The following FAT1 variants were observed in gnomAD, a reference collection of about 807,000 sequenced individuals.
FAT1 encodes protocadherin Fat 1.
FAT1 carries 171 observed loss-of-function variants against 329.8 expected under a neutral mutation model. That is an observed-to-expected ratio of 0.52 (90% CI 0.46 to 0.59). FAT1 has a LOEUF of 0.59. FAT1 is among the 20% of genes least tolerant of loss of function. The pLI is 0.00. For missense variants in FAT1, 5,672 were observed against 5,774.4 expected (o/e 0.98, Z 0.57); for synonymous variants, 2,233 against 2,228.6 (o/e 1.00, Z -0.06).
chr4:186,699,707 A>G (rs1744209213), intron 2 of FAT1, among the ~76,000 whole-genome samples: 1 of 152,326 alleles, frequency 6.6e-6, no homozygotes, highest in East Asian at 1.9e-4. Flanking sequence ...AAAAAAAAAA[A>G]AATGCCAGAA....
rs1440239062 is a variant in FAT1, at chr4:186,600,340, C to A, written c.11661G>T (p.Gln3887His). ...SILEIHHGRL[Q>H]YKFDCGSGPG... is the part of the protein sequence containing the mutation. ...GGCCACTTCCACAGTCAAACTTGTACTGCAGCCTTCCATGATGAATCTAGG... is the reference window on the plus strand; with the variant it reads ...GGCCACTTCCACAGTCAAACTTGTAATGCAGCCTTCCATGATGAATCTAGG... Residue 3887 changes from glutamine (Q) to histidine (H), a missense_variant, in exon 22 of 27, where the codon CAG becomes CAT. Physicochemically the swap from Gln to His is conservative, Grantham distance 24 (BLOSUM62 0). Around this residue, in one of 2 missense-constraint regions of FAT1, gnomAD observed 1,706 missense variants for 1,859.1 expected, o/e 0.92. Transcript: ENST00000441802. 1 of 1,612,324 alleles carries A rather than the reference C, an allele frequency of 6.2e-7. No homozygotes were observed.
chr4:186,590,647 C>A (rs754417757), intron 26 of FAT1: 13 of 456,216 alleles, frequency 2.8e-5, no homozygotes, highest in South Asian at 2.0e-4. Context: ...GAAATTTGGC[C>A]AGAAAACTCA....
At chr4:186,649,890 T>C (rs1196220092) in intron 3 of FAT1, among the ~76,000 whole-genome samples, 1 of 152,242 alleles carries the variant, frequency 6.6e-6, no homozygotes, top group African/African-American at 2.4e-5. Flanking sequence ...TACATACTAA[T>C]ACACCTTTTT....
At position 186,636,799 on chromosome 4, in the gene FAT1, C is replaced by T. The variant is rs753017252; in HGVS notation, c.3758G>A (p.Arg1253Lys). 6.2e-7 allele frequency: 1 copy of T among 1,613,916 alleles called. No homozygotes were observed. The highest frequency in any genetic ancestry group is 1.1e-5 in the South Asian group (1 of 91,060). Residue 1253 changes from arginine to lysine, a missense_variant, in exon 5 of 27, where the codon AGA becomes AAA. Arg to Lys is a conservative substitution (Grantham distance 26, BLOSUM62 2). Coordinates refer to ENST00000441802, the MANE Select transcript of FAT1 (RefSeq NM_005245.4). The part of the protein sequence containing the change: ...PQFLQKFYKI[R>K]LPEREKPDRE... ...GTCTGGCTTTTCCCGCTCAGGGAGT[C>T]TGATTTTGTAGAACTTTTGCAGAAA...
chr4:186,671,242 CTT>C (rs1438655331), intron 2 of FAT1, among the ~76,000 whole-genome samples: 1 of 151,850 alleles, frequency 6.6e-6, no homozygotes, highest in African/African-American at 2.4e-5. Flanking sequence ...GTATAAGAAA[CTT>C]TACATGTTAA....
At chr4:186,594,461 C>G (rs570066744) in intron 26 of FAT1, among the ~76,000 whole-genome samples, 1 of 151,272 alleles carries the variant, frequency 6.6e-6, no homozygotes, top group South Asian at 2.1e-4. Context: ...CATTTAGGGG[C>G]CAAGATATAA....
intron 2 of FAT1, among the ~76,000 whole-genome samples, chr4:186,686,973 T>C (rs539874538): frequency 1.3e-5 from 2 of 152,350 alleles, no homozygotes; most frequent in East Asian, 3.9e-4. Context: ...TTTTACGAAG[T>C]AGCATCTGGC....
At chr4:186,647,087 T>C (rs1322842272) in intron 3 of FAT1, among the ~76,000 whole-genome samples, 1 of 152,260 alleles carries the variant, frequency 6.6e-6, no homozygotes, top group Admixed American at 6.5e-5. Flanking sequence ...CTCAGAATGC[T>C]GTTCCCAAAT....
In FAT1 at chr4:186,636,007, A is replaced by G. The variant is rs768617071; in HGVS notation, c.4183+18T>C. The stretch of plus-strand genomic sequence containing the variant: ...AGTGTAACCCATACGGACAACGAAA[A>G]TGAGGGGGAATGCTTACCAGTGATG... On this transcript the variant is annotated intron_variant, in intron 6 of 26. Transcript: ENST00000441802. The G allele has an allele frequency of 2.5e-6, 4 of 1,612,392 alleles. No homozygotes were observed. The South Asian group carries it at 4.4e-5, about 18-fold the overall frequency.
At position 186,612,777 on chromosome 4, in the gene FAT1, G is replaced by A. The variant is rs79045846; in HGVS notation, c.9463+332C>T. On this transcript the variant is annotated intron_variant, in intron 13 of 26. Transcript: ENST00000441802. ...ATAAAGCATTTGCTTCCATTATGTT[G>A]CAATGAGGCTAAAAGCTCTCTCTGT... 8.5e-3 allele frequency among the ~76,000 whole-genome samples: 1,287 copies of A among 152,184 alleles called. 20 individuals carry two copies. Among genetic ancestry groups the A allele is most frequent in the African/African-American group, 0.03 (1,245 of 41,516 alleles).
At position 186,602,902 on chromosome 4, in the gene FAT1, C is replaced by T; in HGVS notation, c.11482+1G>A. 3 of 1,613,690 alleles carry T rather than the reference C, an allele frequency of 1.9e-6. No homozygotes were observed. The highest frequency in any genetic ancestry group is 1.7e-6 in the Non-Finnish European group (2 of 1,179,694). On this transcript the variant is annotated splice_donor_variant, in intron 20 of 26. Coordinates refer to ENST00000441802, the MANE Select transcript of FAT1 (RefSeq NM_005245.4). LOFTEE classifies it high-confidence loss of function. ...AGTATACCCAACCATTCAACTCTCA[C>T]CTGGGCACTGACCAAACCTGCCGCT...
intron 2 of FAT1, among the ~76,000 whole-genome samples, chr4:186,705,599 T>C (rs1744545962): frequency 1.3e-5 from 2 of 152,232 alleles, no homozygotes; most frequent in African/African-American, 4.8e-5. Flanking sequence ...CCAGCTTCTA[T>C]GTGCCAGGCA....
intron 9 of FAT1, among the ~76,000 whole-genome samples, chr4:186,622,127 C>G (rs1361438509): frequency 2.0e-5 from 3 of 152,186 alleles, no homozygotes; most frequent in Non-Finnish European, 2.9e-5. Context: ...TTCCAGGAGT[C>G]CCTCAAAACA....
In FAT1 at chr4:186,620,970, A is replaced by G. The variant is rs1740015517; in HGVS notation, c.5616T>C (p.Ile1872=). The change falls in exon 10 of 27, where the codon ATT becomes ATC. Residue 1872 remains isoleucine, a synonymous_variant. Coordinates refer to ENST00000441802, the MANE Select transcript of FAT1 (RefSeq NM_005245.4). ...TGGCAAACACAGGGGGGCAGTCATT[A>G]ATGTCAATTACATGTACTGTTACAT... ...AANVTVHVID[I]NDCPPVFAKP... is the part of the protein sequence containing the mutation. The G allele has an allele frequency of 6.2e-7, 1 of 1,613,684 alleles. No homozygotes were observed. Among genetic ancestry groups the G allele is most frequent in the South Asian group, 1.1e-5 (1 of 91,090 alleles).
At chr4:186,592,836 A>T (rs1300310209) in intron 26 of FAT1, 1 of 447,420 alleles carries the variant, frequency 2.2e-6, no homozygotes, top group Non-Finnish European at 4.5e-6. Flanking sequence ...TTTGTATTAT[A>T]CCATTTCTAC....
chr4:186,600,350 C>T lies in FAT1; in HGVS notation c.11651G>A (p.Gly3884Glu), dbSNP rs2126415359. 1.2e-6 allele frequency: 2 copies of T among 1,610,736 alleles called. No individual in the cohort carries two copies. The highest frequency in any genetic ancestry group is 1.7e-6 in the Non-Finnish European group (2 of 1,178,246). Residue 3884 changes from glycine (G) to glutamate (E), a missense_variant, in exon 22 of 27, where the codon GGA becomes GAA. Gly to Glu is a moderately conservative substitution (Grantham distance 98). This residue lies in a region of FAT1 where 1,706 missense variants were observed against 1,859.1 expected (regional missense o/e 0.92). Coordinates refer to ENST00000441802, the MANE Select transcript of FAT1 (RefSeq NM_005245.4). ...ACAGTCAAACTTGTACTGCAGCCTT[C>T]CATGATGAATCTAGGATAAAAGCAA... is the stretch of plus-strand genomic sequence containing the variant. ...TDYSILEIHH[G>E]RLQYKFDCGS...
At position 186,616,987 on chromosome 4, in the gene FAT1, A is replaced by G. The variant is rs576372932; in HGVS notation, c.9075+18T>C. ...ATTGAAATTCATAACACACAAATGT[A>G]AGGGAAGAGCTGCTTACCTTTTCAC... On this transcript the variant is annotated intron_variant, in intron 11 of 26. Transcript: ENST00000441802. The G allele has an allele frequency of 6.3e-7, 1 of 1,599,010 alleles. No homozygotes were observed. The highest frequency in any genetic ancestry group is 2.2e-5 in the East Asian group (1 of 44,752).
At chr4:186,602,527 C>T (rs1222939772) in intron 20 of FAT1, among the ~76,000 whole-genome samples, 2 of 152,146 alleles carry the variant, frequency 1.3e-5, no homozygotes, top group African/African-American at 4.8e-5. Context: ...GGTACTGGCT[C>T]GGAACCATAC....
At chr4:186,609,690 C>T in intron 15 of FAT1, 111 bp downstream of exon 15, 1 of 751,958 alleles carries the variant, frequency 1.3e-6, no homozygotes, top group South Asian at 1.8e-5. Context: ...ACTTTCAAAT[C>T]TCCAAAATAT....
Sources: allele counts gnomAD v4.1 joint callset (sites outside exome capture counted in the v4.1 genomes callset), GRCh38; gene constraint gnomAD v4.1.1; regional missense constraint gnomAD v4.1.1; transcripts MANE v1.5; gene names NCBI Gene and HGNC (gene_info 2026-07-23, HGNC 2026-07-21).